Variants in WDFY2 observed in about 807,000 individuals in gnomAD.
The protein encoded by WDFY2 is WD repeat and FYVE domain-containing protein 2.
WDFY2 carries 36 observed loss-of-function variants against 56.4 expected under a neutral mutation model. That is an observed-to-expected ratio of 0.64 (90% CI 0.49 to 0.84). The LOEUF (loss-of-function observed/expected upper bound fraction) is 0.84, where lower values mean the gene tolerates loss of function less well. WDFY2 is among the 40% of genes least tolerant of loss of function. The probability of loss-of-function intolerance (pLI) is 0.00; values close to 1 mark genes in which losing one functional copy is unlikely to be tolerated. For synonymous variants in WDFY2, 176 were observed against 183.7 expected (o/e 0.96, Z 0.34); for missense variants, 444 against 512.2 (o/e 0.87, Z 1.29).
intron 7 of WDFY2, among the ~76,000 whole-genome samples, chr13:51,746,265 T>C (rs1219055575): frequency 1.3e-5 from 2 of 152,210 alleles, no homozygotes; most frequent in Non-Finnish European, 2.9e-5. Context: ...TCAAAGCCTC[T>C]AAAATTTGCC....
At chr13:51,649,221 TA>T (rs1382634620) in intron 1 of WDFY2, among the ~76,000 whole-genome samples, 1 of 152,186 alleles carries the variant, frequency 6.6e-6, no homozygotes, top group African/African-American at 2.4e-5. Context: ...TTCATCTTGG[TA>T]TTTTTAGATG....
At chr13:51,698,467 G>A (rs1951920095) in intron 3 of WDFY2, among the ~76,000 whole-genome samples, 1 of 152,022 alleles carries the variant, frequency 6.6e-6, no homozygotes, top group Admixed American at 6.6e-5. Context: ...AATTAAATTT[G>A]GCAGCTACTC....
At chr13:51,670,516 C>T (rs984160736) in intron 2 of WDFY2, among the ~76,000 whole-genome samples, 7 of 150,022 alleles carry the variant, frequency 4.7e-5, no homozygotes, top group Non-Finnish European at 7.4e-5. Flanking sequence ...CACACACACA[C>T]ACACACACAC....
Position 51,758,275 on chromosome 13 carries a change from C to G in WDFY2, c.1148C>G (p.Thr383Ser). The G allele has an allele frequency of 6.3e-7, 1 of 1,597,064 alleles. No individual in the cohort carries two copies. Among genetic ancestry groups the G allele is most frequent in the Non-Finnish European group, 8.6e-7 (1 of 1,166,966 alleles). Residue 383 changes from threonine (T) to serine (S), a missense_variant, in exon 11 of 12, where the codon ACT becomes AGT. By Grantham distance (58) the Thr-to-Ser change is moderately conservative. Coordinates refer to ENST00000298125, the MANE Select transcript of WDFY2 (RefSeq NM_052950.4). The part of the protein sequence containing the change: ...HFDATRGWLL[T>S]SGTDKVIKLW... ...GATGCAACCAGAGGATGGTTACTGACTTCTGGAACTGACAAGGTTATTAAG... is the reference window on the plus strand; with the variant it reads ...GATGCAACCAGAGGATGGTTACTGAGTTCTGGAACTGACAAGGTTATTAAG...
At position 51,643,140 on chromosome 13, in the gene WDFY2, T is replaced by G. The variant is rs184062651; in HGVS notation, c.138-17456T>G. 2.8e-3 allele frequency among the ~76,000 whole-genome samples: 433 copies of G among 152,334 alleles called. 4 individuals carry two copies. The highest frequency in any genetic ancestry group is 3.8e-3 in the Non-Finnish European group (258 of 68,026). On this transcript the variant is annotated intron_variant, in intron 1 of 11. Coordinates refer to ENST00000298125, the MANE Select transcript of WDFY2 (RefSeq NM_052950.4). ...TTTGTAAGTGTTCAATTCATTGTCATTAGGTATAGTCACAGTCTTGTGCAA... is the reference window on the plus strand; with the variant it reads ...TTTGTAAGTGTTCAATTCATTGTCAGTAGGTATAGTCACAGTCTTGTGCAA...
intron 7 of WDFY2, among the ~76,000 whole-genome samples, chr13:51,745,578 T>C (rs754134907): frequency 6.6e-6 from 1 of 151,964 alleles, no homozygotes; most frequent in African/African-American, 2.4e-5. Context: ...CCCTGTAGAA[T>C]CAGATAGCCC....
intron 9 of WDFY2, 86 bp from the exon 10 acceptor site, chr13:51,756,246 C>T: frequency 2.0e-6 from 3 of 1,529,420 alleles, no homozygotes; most frequent in African/African-American, 1.4e-5. Context: ...CAGTTGATTA[C>T]ACCTCTCTGC....
intron 3 of WDFY2, among the ~76,000 whole-genome samples, chr13:51,681,639 A>G (rs1373162735): frequency 1.3e-5 from 2 of 152,122 alleles, no homozygotes; most frequent in Admixed American, 6.6e-5. Context: ...TTTTCTTCTG[A>G]GCTTGTGCTA....
intron 5 of WDFY2, among the ~76,000 whole-genome samples, chr13:51,724,231 C>CTTTTT (rs529903671): frequency 3.9e-4 from 42 of 107,950 alleles, no homozygotes; most frequent in Non-Finnish European, 4.7e-4. Context: ...TCTTTTTTAA[C>CTTTTT]TTTTTTTTTT....
At chr13:51,660,442 C>A (rs768581858) in intron 1 of WDFY2, among the ~76,000 whole-genome samples, 154 bp from the exon 2 acceptor site, 1 of 151,866 alleles carries the variant, frequency 6.6e-6, no homozygotes, top group Non-Finnish European at 1.5e-5. Context: ...TCAAGTGATA[C>A]GCCTACCTCG....
Position 51,758,233 on chromosome 13 carries a change from T to C in WDFY2, c.1106T>C (p.Ile369Thr), listed in dbSNP as rs1160456411. The C allele has an allele frequency of 3.1e-6, 5 of 1,598,092 alleles. No individual in the cohort carries two copies. The highest frequency in any genetic ancestry group is 1.3e-5 in the African/African-American group (1 of 74,834). The change falls in exon 11 of 12, where the codon ATT becomes ACT. Residue 369 changes from isoleucine to threonine, a missense_variant. By Grantham distance (89) the Ile-to-Thr change is moderately conservative. Coordinates refer to ENST00000298125, the MANE Select transcript of WDFY2 (RefSeq NM_052950.4). Reference protein sequence around the residue: ...TATFHDSKHNIVHVHFDATRG... With the variant: ...TATFHDSKHNTVHVHFDATRG... Reference sequence around the variant, plus strand: ...ACCTTCCATGACAGTAAACATAACATTGTGCATGTGCATTTCGATGCAACC... The same window carrying C: ...ACCTTCCATGACAGTAAACATAACACTGTGCATGTGCATTTCGATGCAACC...
intron 7 of WDFY2, among the ~76,000 whole-genome samples, chr13:51,745,738 TA>T (rs34880965): frequency 0.23 from 19,828 of 86,202 alleles, 2,093 homozygotes; most frequent in Admixed American, 0.26. Flanking sequence ...ATCCTTCATT[TA>T]AAAAAAAAAA....
chr13:51,688,249 A>C (rs1956094261), intron 3 of WDFY2, among the ~76,000 whole-genome samples: 1 of 152,182 alleles, frequency 6.6e-6, no homozygotes, highest in African/African-American at 2.4e-5. Flanking sequence ...TGATGGAGGC[A>C]TTAGTGGCGT....
At chr13:51,735,386 G>A (rs953489626) in intron 6 of WDFY2, among the ~76,000 whole-genome samples, 1 of 152,158 alleles carries the variant, frequency 6.6e-6, no homozygotes, top group African/African-American at 2.4e-5. Flanking sequence ...TCAATATAGT[G>A]GGGTCTGTGT....
rs1566247758 is a variant in WDFY2, at chr13:51,760,089, A to ATTTTTTTTTTT, written c.*324_*325insTTTTTTTTTTT. The ATTTTTTTTTTT allele has an allele frequency of 8.1e-6, 2 of 247,332 alleles. No homozygotes were observed. Among genetic ancestry groups the ATTTTTTTTTTT allele is most frequent in the Non-Finnish European group, 1.5e-5 (2 of 129,338 alleles). 15.3% of individuals were successfully genotyped at this position (247,332 alleles called of 1,614,324 possible). A position where few individuals can be genotyped will look rare whatever the true frequency, so the allele number is the denominator to read the frequency against. On this transcript the variant is annotated 3_prime_UTR_variant, in exon 12 of 12. Coordinates refer to ENST00000298125, the MANE Select transcript of WDFY2 (RefSeq NM_052950.4). Reference sequence around the variant, plus strand: ...TAATTTTTATACTTTTCAACACCCCATTTTACTTGTTGCTTTGTCAGAGAA... The same window carrying ATTTTTTTTTTT: ...TAATTTTTATACTTTTCAACACCCCATTTTTTTTTTTTTTTACTTGTTGCTTTGTCAGAGAA...
At chr13:51,716,164 G>A (rs1186043206) in intron 4 of WDFY2, among the ~76,000 whole-genome samples, 1 of 152,154 alleles carries the variant, frequency 6.6e-6, no homozygotes, top group East Asian at 1.9e-4. Context: ...GAAGTGTCAG[G>A]AATAGGAGGG....
intron 1 of WDFY2, among the ~76,000 whole-genome samples, chr13:51,597,198 A>G (rs775953578): frequency 1.3e-5 from 2 of 152,224 alleles, no homozygotes; most frequent in East Asian, 1.9e-4. Context: ...ACTGTATACT[A>G]TATACCAAGT....
Position 51,758,196 on chromosome 13 carries a change from G to C in WDFY2, c.1069G>C (p.Ala357Pro), listed in dbSNP as rs747778835. 6.4e-7 allele frequency: 1 copy of C among 1,569,398 alleles called. No homozygotes were observed. The highest frequency in any genetic ancestry group is 8.7e-7 in the Non-Finnish European group (1 of 1,146,940). The change falls in exon 11 of 12, where the codon GCA becomes CCA. Residue 357 changes from alanine to proline, a missense_variant. Physicochemically the swap from Ala to Pro is conservative, Grantham distance 27. Coordinates refer to ENST00000298125, the MANE Select transcript of WDFY2 (RefSeq NM_052950.4). ...AGCTTTCTTTGCTCCTTCTAGACGT[G>C]CACCCACAGCCACCTTCCATGACAG... is the stretch of plus-strand genomic sequence containing the variant. Reference protein sequence around the residue: ...CHEAITDEERAPTATFHDSKH... With the variant: ...CHEAITDEERPPTATFHDSKH...
At chr13:51,703,374 C>T (rs1952022181) in intron 3 of WDFY2, among the ~76,000 whole-genome samples, 1 of 152,104 alleles carries the variant, frequency 6.6e-6, no homozygotes, top group East Asian at 1.9e-4. Context: ...CTTGTGCATA[C>T]ACAAAAAGTC....
Sources: gnomAD v4.1 joint callset for allele counts (sites outside exome capture counted in the v4.1 genomes callset) on GRCh38, gnomAD v4.1.1 for gene constraint, MANE v1.5 for transcripts, NCBI Gene and HGNC (gene_info 2026-07-23, HGNC 2026-07-21) for gene names.